PRKN: variants seen among roughly 807,000 people sequenced by gnomAD.
PRKN encodes the protein E3 ubiquitin-protein ligase parkin.
In PRKN, 56 loss-of-function variants were observed where a neutral mutation model predicts 59.5. That is an observed-to-expected ratio of 0.94 (90% confidence interval 0.76 to 1.18). PRKN has a LOEUF of 1.18. PRKN is among the 50% of genes most tolerant of loss of function. PRKN has a pLI of 0.00. For synonymous variants in PRKN, 250 were observed against 222.1 expected, an observed-to-expected ratio of 1.13 and a Z score of -1.12; for missense variants, 657 against 596.4, an observed-to-expected ratio of 1.10 and a Z score of -1.06.
chr6:161,559,284 C>T (rs1780364739), intron 8 of PRKN, among the ~76,000 whole-genome samples: 1 of 152,124 alleles, frequency 6.6e-6, no homozygotes, highest in South Asian at 2.1e-4. Flanking sequence ...CAGTGTAGCT[C>T]CCCTTTCAGG....
intron 7 of PRKN, among the ~76,000 whole-genome samples, chr6:161,753,292 G>A (rs1406283739): frequency 6.6e-6 from 1 of 152,140 alleles, no homozygotes; most frequent in East Asian, 1.9e-4. Flanking sequence ...GAGGGAGAAG[G>A]AACACAGAGA....
chr6:161,359,987 AC>A lies in PRKN; in HGVS notation c.1285+100del. ...CGAGGGGTTACCCAACACACCAGGC[AC>A]CTTCAGACAGCATCTCCTTTAATCC... On this transcript the variant is annotated intron_variant, in intron 11 of 11. Transcript: ENST00000366898. The surrounding 1 kb of genome is among the most constrained non-coding windows in gnomAD (Gnocchi z 5.4). 1.2e-6 allele frequency: 1 copy of A among 866,696 alleles called. No homozygotes were observed. The allele number at this position is 866,696 out of a possible 1,614,324, so 53.7% of individuals were successfully genotyped here.
At chr6:162,330,381 A>C (rs1425228470) in intron 2 of PRKN, among the ~76,000 whole-genome samples, 1 of 152,186 alleles carries the variant, frequency 6.6e-6, no homozygotes, top group African/African-American at 2.4e-5. Flanking sequence ...GTTCTGAGCA[A>C]TAAAAAATTT....
chr6:162,405,728 A>G (rs1788027124), intron 2 of PRKN, among the ~76,000 whole-genome samples: 1 of 152,142 alleles, frequency 6.6e-6, no homozygotes, highest in South Asian at 2.1e-4. Context: ...GCAGGAGCCC[A>G]GAAGAAACGC....
chr6:162,324,741 TGTGTATATGTGTACGTATCTATGTGTAA>T (rs1420032260), intron 2 of PRKN, among the ~76,000 whole-genome samples: 2 of 152,234 alleles, frequency 1.3e-5, no homozygotes, highest in East Asian at 3.9e-4. Flanking sequence ...GACAAATATG[TGTGTATATGTGTACGTATCTATGTGTAA>T]GTGTATATGT....
At chr6:161,686,307 T>C (rs1785551319) in intron 7 of PRKN, among the ~76,000 whole-genome samples, 1 of 152,036 alleles carries the variant, frequency 6.6e-6, no homozygotes, top group Non-Finnish European at 1.5e-5. Context: ...CCAGGTGATG[T>C]CAATGGCTAG....
intron 5 of PRKN, among the ~76,000 whole-genome samples, chr6:161,997,217 T>C (rs541547911): frequency 6.6e-6 from 1 of 152,118 alleles, no homozygotes; most frequent in Non-Finnish European, 1.5e-5. Flanking sequence ...TCATTAAATA[T>C]AGTGACTTCT....
chr6:161,992,071 A>G (rs1198787082), intron 5 of PRKN, among the ~76,000 whole-genome samples: 1 of 151,804 alleles, frequency 6.6e-6, no homozygotes, highest in African/African-American at 2.4e-5. Flanking sequence ...TGGGCACGGT[A>G]GCTCACGCCT....
intron 6 of PRKN, among the ~76,000 whole-genome samples, chr6:161,861,985 C>T (rs1793922375): frequency 6.6e-6 from 1 of 152,134 alleles, no homozygotes; most frequent in South Asian, 2.1e-4. Context: ...TATTCTTTGC[C>T]TCTTTCAGTT....
At chr6:161,799,565 G>A (rs1251802170) in intron 6 of PRKN, among the ~76,000 whole-genome samples, 2 of 152,182 alleles carry the variant, frequency 1.3e-5, no homozygotes, top group Non-Finnish European at 2.9e-5. Flanking sequence ...TTTGAAGAGG[G>A]CAAATAGGAC....
intron 4 of PRKN, among the ~76,000 whole-genome samples, chr6:162,171,646 AAC>A (rs1389083037): frequency 6.6e-6 from 1 of 152,050 alleles, no homozygotes; most frequent in Non-Finnish European, 1.5e-5. Context: ...GGGGATGTGA[AAC>A]ACAGACCTCT....
At chr6:161,791,434 A>G (rs1583169656) in intron 6 of PRKN, among the ~76,000 whole-genome samples, 1 of 152,322 alleles carries the variant, frequency 6.6e-6, no homozygotes, top group East Asian at 1.9e-4. Context: ...TATCTAGAAA[A>G]ATGTGCAATT....
intron 1 of PRKN, among the ~76,000 whole-genome samples, chr6:162,453,778 C>T (rs1045288414): frequency 2.0e-5 from 3 of 152,104 alleles, no homozygotes; most frequent in African/African-American, 7.2e-5. Flanking sequence ...TGGCGCACAC[C>T]TGTAATCCCA....
At chr6:162,361,455 A>T (rs762166352) in intron 2 of PRKN, among the ~76,000 whole-genome samples, 4 of 152,180 alleles carry the variant, frequency 2.6e-5, no homozygotes, top group Non-Finnish European at 5.9e-5. Context: ...GCAAGAAGGC[A>T]TCTCTCTGCA....
At position 161,414,134 on chromosome 6, in the gene PRKN, GCT is replaced by G. The variant is rs1186023834; in HGVS notation, c.1084-27259_1084-27258del. Among the ~76,000 whole-genome samples the G allele has an allele frequency of 1.3e-5, 2 of 152,126 alleles. No homozygotes were observed. The highest frequency in any genetic ancestry group is 2.4e-5 in the African/African-American group (1 of 41,400). ...CTTCTCTCTTTCTTTGCTGCAAATG[GCT>G]CTCTGGAGCACAAACTCTCAACAAG... On this transcript the variant is annotated intron_variant, in intron 9 of 11. Transcript: ENST00000366898. The surrounding 1 kb of genome is among the most constrained non-coding windows in gnomAD (Gnocchi z 5.3).
intron 7 of PRKN, among the ~76,000 whole-genome samples, chr6:161,736,161 G>A (rs11754720): frequency 3.6e-4 from 54 of 152,100 alleles, no homozygotes; most frequent in Non-Finnish European, 2.4e-4. Flanking sequence ...TGTAAGGGAC[G>A]TACAAAACAC....
intron 1 of PRKN, among the ~76,000 whole-genome samples, chr6:162,544,235 C>A (rs1019243428): frequency 1.3e-5 from 2 of 152,050 alleles, no homozygotes; most frequent in African/African-American, 2.4e-5. Context: ...AATAACACAA[C>A]CCTGAGGACA....
chr6:162,424,767 T>C (rs189035314), intron 2 of PRKN, among the ~76,000 whole-genome samples: 2 of 148,324 alleles, frequency 1.3e-5, no homozygotes, highest in East Asian at 3.9e-4. Flanking sequence ...AGAAAAGAAA[T>C]GTACCACTGG....
chr6:162,553,733 C>T (rs12664317), intron 1 of PRKN, among the ~76,000 whole-genome samples: 53,866 of 139,704 alleles, frequency 0.39, 10,448 homozygotes, highest in East Asian at 0.57. Flanking sequence ...AACTTGGAGG[C>T]GGAGGTTGCA....
Sources: allele counts gnomAD v4.1 joint callset (sites outside exome capture counted in the v4.1 genomes callset), GRCh38; gene constraint gnomAD v4.1.1; non-coding constraint Gnocchi (gnomAD v3.1); transcripts MANE v1.5; gene names NCBI Gene and HGNC (gene_info 2026-07-23, HGNC 2026-07-21).